Variants in PPARGC1A observed in about 807,000 individuals in gnomAD.
PPARGC1A encodes the protein peroxisome proliferator-activated receptor gamma coactivator 1-alpha.
In PPARGC1A, 25 loss-of-function variants were observed where a neutral mutation model predicts 88.7. The ratio of observed to expected loss-of-function variants is 0.28; its 90% CI spans 0.21 to 0.39. The LOEUF (loss-of-function observed/expected upper bound fraction) is 0.39, where lower values mean the gene tolerates loss of function less well. Ranked by LOEUF, PPARGC1A falls within the 10% of genes least tolerant of loss-of-function variation. The pLI is 1.00. For synonymous variants in PPARGC1A, 363 were observed against 355.6 expected, an observed-to-expected ratio of 1.02 and a Z score of -0.24; for missense variants, 880 against 968.7, an observed-to-expected ratio of 0.91 and a Z score of 1.22.
chr4:24,204,719 G>A, the PPARGC1A span, among the ~76,000 whole-genome samples: 2 of 152,106 alleles, frequency 1.3e-5, no homozygotes, highest in African/African-American at 4.8e-5. Flanking sequence ...ACTTACCTCT[G>A]TGTACCATAT....
At chr4:24,401,249 A>G in the PPARGC1A span, among the ~76,000 whole-genome samples, 4 of 151,800 alleles carry the variant, frequency 2.6e-5, no homozygotes, top group Non-Finnish European at 5.9e-5. Flanking sequence ...CGATCTCCTG[A>G]CCTCATGATC....
At chr4:24,024,267 G>T in the PPARGC1A span, among the ~76,000 whole-genome samples, 1 of 152,116 alleles carries the variant, frequency 6.6e-6, no homozygotes. Context: ...TCCTCCCCAT[G>T]AGCACACTTC....
chr4:24,065,526 C>G, the PPARGC1A span, among the ~76,000 whole-genome samples: 26 of 152,226 alleles, frequency 1.7e-4, no homozygotes, highest in Non-Finnish European at 2.9e-4. Flanking sequence ...GAATTCATAC[C>G]TTGCTTCTGC....
At chr4:24,277,848 C>T in the PPARGC1A span, among the ~76,000 whole-genome samples, 6 of 152,038 alleles carry the variant, frequency 3.9e-5, no homozygotes, top group Admixed American at 2.6e-4. Flanking sequence ...GTAATTTACC[C>T]TCTCTGAGCT....
chr4:24,130,228 T>A, the PPARGC1A span, among the ~76,000 whole-genome samples: 1 of 152,188 alleles, frequency 6.6e-6, no homozygotes, highest in Non-Finnish European at 1.5e-5. Context: ...ACCTGCCTTG[T>A]GATCTAATGC....
the PPARGC1A span, among the ~76,000 whole-genome samples, chr4:24,165,952 T>C: frequency 2.0e-5 from 3 of 152,190 alleles, no homozygotes; most frequent in Non-Finnish European, 2.9e-5. Context: ...TGAAGCTTAA[T>C]GAGAAAGGCA....
At chr4:24,465,201 T>C in the PPARGC1A span, among the ~76,000 whole-genome samples, 1 of 152,140 alleles carries the variant, frequency 6.6e-6, no homozygotes, top group Admixed American at 6.5e-5. Flanking sequence ...AGTCAACCCT[T>C]ATTAACACAC....
the PPARGC1A span, among the ~76,000 whole-genome samples, chr4:24,182,124 T>G: frequency 6.6e-6 from 1 of 152,176 alleles, no homozygotes; most frequent in African/African-American, 2.4e-5. Flanking sequence ...GCATTAGGTA[T>G]TTGTCCTAAT....
chr4:24,025,038 G>A, the PPARGC1A span, among the ~76,000 whole-genome samples: 2 of 152,196 alleles, frequency 1.3e-5, no homozygotes, highest in Non-Finnish European at 2.9e-5. Context: ...TCTGACAAGT[G>A]AGCTAGAAAC....
At chr4:24,102,663 C>T in the PPARGC1A span, among the ~76,000 whole-genome samples, 26 of 152,160 alleles carry the variant, frequency 1.7e-4, no homozygotes, top group Non-Finnish European at 2.6e-4. Flanking sequence ...GAGTGCTATC[C>T]GGGAACTTTT....
the PPARGC1A span, among the ~76,000 whole-genome samples, chr4:24,323,233 T>A: frequency 6.6e-6 from 1 of 152,344 alleles, no homozygotes; most frequent in African/African-American, 2.4e-5. Flanking sequence ...GTCATTTATC[T>A]GTCCAAGCAC....
chr4:23,863,891 C>T (rs771824522), intron 2 of PPARGC1A, among the ~76,000 whole-genome samples: 5 of 152,110 alleles, frequency 3.3e-5, no homozygotes, highest in South Asian at 2.1e-4. Flanking sequence ...GGATTATGGG[C>T]GCGTGCCATC....
chr4:23,994,228 AG>A, the PPARGC1A span, among the ~76,000 whole-genome samples: 1 of 152,116 alleles, frequency 6.6e-6, no homozygotes, highest in African/African-American at 2.4e-5. Context: ...CCTGTGTTGT[AG>A]GAAGTAACCC....
At chr4:24,066,189 C>T in the PPARGC1A span, among the ~76,000 whole-genome samples, 1 of 152,040 alleles carries the variant, frequency 6.6e-6, no homozygotes, top group Non-Finnish European at 1.5e-5. Context: ...GGGAGGACGA[C>T]TGTCGCTGTG....
chr4:23,913,977 A>G, the PPARGC1A span, among the ~76,000 whole-genome samples: 2 of 152,218 alleles, frequency 1.3e-5, no homozygotes, highest in African/African-American at 4.8e-5. Context: ...AGTAAGTTGA[A>G]TAAGCAAGTT....
chr4:23,996,964 T>G, the PPARGC1A span, among the ~76,000 whole-genome samples: 2 of 152,200 alleles, frequency 1.3e-5, no homozygotes, highest in Non-Finnish European at 2.9e-5. Context: ...TCCTGGAGTT[T>G]GGTGTTCATT....
chr4:24,004,238 A>C, the PPARGC1A span, among the ~76,000 whole-genome samples: 1 of 152,192 alleles, frequency 6.6e-6, no homozygotes, highest in Admixed American at 6.5e-5. Context: ...GAATTCTGCC[A>C]CCTAAGCTTT....
At chr4:24,139,921 G>A in the PPARGC1A span, among the ~76,000 whole-genome samples, 2 of 152,174 alleles carry the variant, frequency 1.3e-5, no homozygotes, top group African/African-American at 4.8e-5. Context: ...ATCTCTGAAA[G>A]AAGTTCGTCT....
chr4:23,934,147 T>C, the PPARGC1A span, among the ~76,000 whole-genome samples: 1 of 152,102 alleles, frequency 6.6e-6, no homozygotes, highest in Non-Finnish European at 1.5e-5. Context: ...GAAGGGTGAA[T>C]CTGGCTGAGA....
Sources: allele counts gnomAD v4.1 joint callset (sites outside exome capture counted in the v4.1 genomes callset), GRCh38; gene constraint gnomAD v4.1.1; transcripts MANE v1.5; gene names NCBI Gene and HGNC (gene_info 2026-07-23, HGNC 2026-07-21).